The following ELMO1 variants were observed in gnomAD, a reference collection of about 807,000 sequenced individuals.
ELMO1 encodes engulfment and cell motility 1.
Under a neutral mutation model 98.9 loss-of-function variants are expected in ELMO1, and 26 were observed. That is an observed-to-expected ratio of 0.26 (90% CI 0.19 to 0.36). The LOEUF (loss-of-function observed/expected upper bound fraction) is 0.36. Ranked by LOEUF, ELMO1 falls within the 10% of genes least tolerant of loss-of-function variation. The pLI is 1.00. For synonymous variants in ELMO1, 346 were observed against 346.0 expected (o/e 1.00, Z 0.00); for missense variants, 627 against 935.2 (o/e 0.67, Z 4.30).
chr7:37,384,204 C>A (rs924336041), intron 1 of ELMO1, among the ~76,000 whole-genome samples: 2 of 152,066 alleles, frequency 1.3e-5, no homozygotes, highest in Non-Finnish European at 2.9e-5. Context: ...TTTAGTCATA[C>A]CTATTTTGAT....
At chr7:36,959,043 C>T (rs1279675665) in intron 16 of ELMO1, among the ~76,000 whole-genome samples, 2 of 152,100 alleles carry the variant, frequency 1.3e-5, no homozygotes. Flanking sequence ...TCTACGTTCC[C>T]CATCTCTATG....
intron 13 of ELMO1, among the ~76,000 whole-genome samples, chr7:37,136,613 C>G (rs960115667): frequency 3.1e-4 from 47 of 152,218 alleles, no homozygotes; most frequent in African/African-American, 1.1e-3. Context: ...AATCTTGTAT[C>G]CAGTGAAACT....
At chr7:37,057,982 T>A (rs1273756300) in intron 15 of ELMO1, among the ~76,000 whole-genome samples, 1 of 152,222 alleles carries the variant, frequency 6.6e-6, no homozygotes, top group African/African-American at 2.4e-5. Flanking sequence ...CTAAAGAACT[T>A]GGCAGGACTT....
intron 1 of ELMO1, among the ~76,000 whole-genome samples, chr7:37,403,814 G>A (rs997363332): frequency 6.6e-6 from 1 of 152,166 alleles, no homozygotes; most frequent in East Asian, 1.9e-4. Flanking sequence ...CCAAAGTGCT[G>A]GGATTACGGG....
chr7:36,928,752 G>A (rs1208985988), intron 16 of ELMO1, among the ~76,000 whole-genome samples: 1 of 152,182 alleles, frequency 6.6e-6, no homozygotes, highest in African/African-American at 2.4e-5. Flanking sequence ...CCAGGGCTGT[G>A]GGAGAGGCCT....
chr7:36,876,352 T>C (rs1803971110), intron 19 of ELMO1, among the ~76,000 whole-genome samples: 4 of 152,124 alleles, frequency 2.6e-5, no homozygotes, highest in Admixed American at 2.0e-4. Context: ...CTTTCTTTTA[T>C]GAAAGGGTTG....
chr7:37,340,181 T>C (rs1444602861), intron 2 of ELMO1, among the ~76,000 whole-genome samples: 3 of 152,202 alleles, frequency 2.0e-5, no homozygotes, highest in African/African-American at 7.2e-5. Context: ...AACTGTGAAT[T>C]TGACGATAGC....
chr7:36,853,382 T>G lies in ELMO1; in HGVS notation c.*2169A>C, dbSNP rs1384542277. On this transcript the variant is annotated 3_prime_UTR_variant, in exon 22 of 22. Coordinates refer to ENST00000310758, the MANE Select transcript of ELMO1 (RefSeq NM_014800.11). ...CAGTGTCTCAGGACCTCAGAGATCC[T>G]GGTCCAGAAAGTTCCCTTTTTCATG... is the stretch of plus-strand genomic sequence containing the variant. Among the ~76,000 whole-genome samples, 1 of 152,228 alleles carries G rather than the reference T, an allele frequency of 6.6e-6. No homozygotes were observed. Among genetic ancestry groups the G allele is most frequent in the Non-Finnish European group, 1.5e-5 (1 of 68,048 alleles).
intron 14 of ELMO1, among the ~76,000 whole-genome samples, chr7:37,099,548 C>A (rs964179646): frequency 6.6e-6 from 1 of 152,088 alleles, no homozygotes; most frequent in African/African-American, 2.4e-5. Context: ...AAATGAAGTA[C>A]TAAAAGGTGC....
chr7:37,412,826 A>G (rs1387633677), intron 1 of ELMO1, among the ~76,000 whole-genome samples: 2 of 152,148 alleles, frequency 1.3e-5, no homozygotes, highest in East Asian at 3.9e-4. Flanking sequence ...TCATAAGGAC[A>G]CTCAAGCAGC....
intron 16 of ELMO1, among the ~76,000 whole-genome samples, chr7:36,953,203 T>C (rs534365213): frequency 4.6e-5 from 7 of 152,056 alleles, no homozygotes; most frequent in Non-Finnish European, 7.4e-5. Context: ...CCTGACATCG[T>C]GGATCCACCC....
intron 16 of ELMO1, among the ~76,000 whole-genome samples, chr7:36,949,839 G>C (rs1787821929): frequency 6.6e-6 from 1 of 151,982 alleles, no homozygotes; most frequent in Non-Finnish European, 1.5e-5. Flanking sequence ...ACTATCTCCA[G>C]ACATTGCGAA....
intron 1 of ELMO1, among the ~76,000 whole-genome samples, chr7:37,413,159 C>T (rs992124968): frequency 6.6e-6 from 1 of 151,304 alleles, no homozygotes; most frequent in African/African-American, 2.4e-5. Context: ...ATTTTAACTG[C>T]TTCACAACAT....
At chr7:37,140,367 C>T (rs144174365) in intron 13 of ELMO1, among the ~76,000 whole-genome samples, 2,016 of 151,120 alleles carry the variant, frequency 0.013, 19 homozygotes, top group Middle Eastern at 0.031. Flanking sequence ...GCCTGGGCGA[C>T]AGAGTGAGAC....
At chr7:37,161,500 T>A (rs1212592406) in intron 13 of ELMO1, among the ~76,000 whole-genome samples, 3 of 152,096 alleles carry the variant, frequency 2.0e-5, no homozygotes, top group African/African-American at 7.2e-5. Context: ...TACCTCTCTA[T>A]CTCAGTGAAT....
At chr7:37,138,397 A>G (rs1787404406) in intron 13 of ELMO1, among the ~76,000 whole-genome samples, 1 of 152,194 alleles carries the variant, frequency 6.6e-6, no homozygotes. Flanking sequence ...AGATATTACA[A>G]CTGATACTAG....
chr7:36,880,762 T>C (rs892260366), intron 18 of ELMO1, among the ~76,000 whole-genome samples: 5 of 152,308 alleles, frequency 3.3e-5, no homozygotes, highest in Middle Eastern at 3.4e-3. Flanking sequence ...AAAATAGGAA[T>C]GCAGAAATCT....
intron 14 of ELMO1, among the ~76,000 whole-genome samples, chr7:37,108,447 A>T (rs1298469135): frequency 6.6e-6 from 1 of 152,162 alleles, no homozygotes; most frequent in Non-Finnish European, 1.5e-5. Flanking sequence ...TTTCCTAAAC[A>T]AGCCTTTGAA....
intron 16 of ELMO1, among the ~76,000 whole-genome samples, chr7:37,007,991 G>A (rs1018058032): frequency 6.6e-6 from 1 of 152,198 alleles, no homozygotes; most frequent in South Asian, 2.1e-4. Flanking sequence ...GCAAGCCTGA[G>A]ATTCTAAGCT....
Sources: allele counts gnomAD v4.1 joint callset (sites outside exome capture counted in the v4.1 genomes callset), GRCh38; gene constraint gnomAD v4.1.1; transcripts MANE v1.5; gene names NCBI Gene and HGNC (gene_info 2026-07-23, HGNC 2026-07-21).